The following DLGAP1 variants were observed in gnomAD, a reference collection of about 807,000 sequenced individuals.
DLGAP1 encodes DLG associated protein 1.
DLGAP1 carries 11 observed loss-of-function variants against 90.8 expected under a neutral mutation model. The ratio of observed to expected loss-of-function variants is 0.12; its 90% CI spans 0.08 to 0.20. The LOEUF (loss-of-function observed/expected upper bound fraction) is 0.20, where lower values mean the gene tolerates loss of function less well. Ranked by LOEUF, DLGAP1 falls within the 10% of genes least tolerant of loss-of-function variation. The probability of loss-of-function intolerance (pLI) is 1.00; values close to 1 mark genes in which losing one functional copy is unlikely to be tolerated. For synonymous variants in DLGAP1, 558 were observed against 540.7 expected (o/e 1.03, Z -0.44); for missense variants, 1,050 against 1,333.8 (o/e 0.79, Z 3.31).
At position 4,367,269 on chromosome 18, in the gene DLGAP1, G is replaced by A. The variant is rs115038495; in HGVS notation, c.-267+87737C>T. 7.4e-3 allele frequency among the ~76,000 whole-genome samples: 1,115 copies of A among 151,424 alleles called. 14 individuals carry two copies. Among genetic ancestry groups the A allele is most frequent in the African/African-American group, 0.026 (1,056 of 41,242 alleles). On this transcript the variant is annotated intron_variant, in intron 1 of 12. Transcript: ENST00000315677. ...CTTCAGAACAGTTAGTGCACATATC[G>A]TTTTCAGAATTATTTGAAAAATAAA...
At chr18:4,403,980 A>G (rs758947106) in intron 1 of DLGAP1, among the ~76,000 whole-genome samples, 4 of 152,078 alleles carry the variant, frequency 2.6e-5, no homozygotes, top group Non-Finnish European at 4.4e-5. Context: ...TCCCCAAACT[A>G]TCTGGTCATC....
chr18:3,687,182 A>G (rs1287425452), intron 7 of DLGAP1, among the ~76,000 whole-genome samples: 1 of 152,260 alleles, frequency 6.6e-6, no homozygotes, highest in African/African-American at 2.4e-5. Context: ...CTGACATTTC[A>G]GAATTCCAAG....
chr18:4,345,587 A>G (rs1052898101), intron 1 of DLGAP1, among the ~76,000 whole-genome samples: 2 of 152,238 alleles, frequency 1.3e-5, no homozygotes, highest in Admixed American at 1.3e-4. Flanking sequence ...TCACACAACT[A>G]TATTTCAGTT....
intron 7 of DLGAP1, among the ~76,000 whole-genome samples, chr18:3,615,823 A>C (rs2057839398): frequency 6.6e-6 from 1 of 152,152 alleles, no homozygotes; most frequent in African/African-American, 2.4e-5. Context: ...TAGTTTGATA[A>C]GAGAATGCAT....
rs1354735064 is a variant in DLGAP1 at position 4,269,352 on chromosome 18, A to ATTTTTT, written c.-266-118066_-266-118065insAAAAAA. Among the ~76,000 whole-genome samples, 119 of 131,230 alleles carry ATTTTTT rather than the reference A, an allele frequency of 9.1e-4. 2 individuals are homozygous for ATTTTTT. Among genetic ancestry groups the ATTTTTT allele is most frequent in the Admixed American group, 6.4e-3 (82 of 12,824 alleles). The allele number at this position is 131,230 out of a possible 152,430, so 86.1% of individuals were successfully genotyped here. A position where few individuals can be genotyped will look rare whatever the true frequency, so the allele number is the denominator to read the frequency against. Reference sequence around the variant, plus strand: ...TATATACATATATATATATATATATATATTTTTTTTTTTCTTTTTGAGACG... The same window carrying ATTTTTT: ...TATATACATATATATATATATATATATTTTTTTATTTTTTTTTTTCTTTTTGAGACG... On this transcript the variant is annotated intron_variant, in intron 1 of 12. Coordinates refer to ENST00000315677, the MANE Select transcript of DLGAP1 (RefSeq NM_004746.4).
intron 1 of DLGAP1, among the ~76,000 whole-genome samples, chr18:4,165,395 A>G (rs1049210854): frequency 1.3e-5 from 2 of 152,224 alleles, no homozygotes; most frequent in Non-Finnish European, 2.9e-5. Flanking sequence ...TTCAGGAAAG[A>G]AGAGAAAATA....
intron 1 of DLGAP1, among the ~76,000 whole-genome samples, chr18:4,152,846 T>C (rs763457763): frequency 6.6e-6 from 1 of 152,222 alleles, no homozygotes; most frequent in Non-Finnish European, 1.5e-5. Flanking sequence ...ATTTTCAATA[T>C]TCCATTAAAC....
At position 4,213,066 on chromosome 18, in the gene DLGAP1, G is replaced by A. The variant is rs1204803367; in HGVS notation, c.-266-61779C>T. Among the ~76,000 whole-genome samples the A allele has an allele frequency of 2.6e-5, 4 of 152,102 alleles. No individual in the cohort carries two copies. In the East Asian group the frequency reaches 5.8e-4, roughly 22 times the overall value. ...TTTCATTTGTTTGCTTATTAATTGA[G>A]CAAACAGGTTTTGGGGATTAAGTAC... On this transcript the variant is annotated intron_variant, in intron 1 of 12. Coordinates refer to ENST00000315677, the MANE Select transcript of DLGAP1 (RefSeq NM_004746.4).
At chr18:3,502,808 C>T (rs1250996281) in intron 11 of DLGAP1, among the ~76,000 whole-genome samples, 163 bp from the exon 12 acceptor site, 1 of 152,184 alleles carries the variant, frequency 6.6e-6, no homozygotes, top group African/African-American at 2.4e-5. Context: ...ATTTTATACA[C>T]TCATCCGTTT....
At chr18:4,393,442 A>G (rs2082377997) in intron 1 of DLGAP1, among the ~76,000 whole-genome samples, 1 of 151,858 alleles carries the variant, frequency 6.6e-6, no homozygotes, top group Non-Finnish European at 1.5e-5. Flanking sequence ...TCTACCTCTA[A>G]TTTTTCAGAT....
intron 5 of DLGAP1, among the ~76,000 whole-genome samples, chr18:3,758,404 C>T (rs1485185914): frequency 2.0e-5 from 3 of 152,116 alleles, no homozygotes; most frequent in South Asian, 2.1e-4. Context: ...GCTATAATAA[C>T]GGGAGCTTCA....
chr18:4,178,198 AATAAAC>A (rs1238477245), intron 1 of DLGAP1, among the ~76,000 whole-genome samples: 19 of 126,108 alleles, frequency 1.5e-4, no homozygotes, highest in African/African-American at 5.4e-4. Flanking sequence ...CGGGTCCTGG[AATAAAC>A]ACACACACAC....
At chr18:4,072,812 A>G (rs2075468919) in intron 2 of DLGAP1, among the ~76,000 whole-genome samples, 1 of 152,180 alleles carries the variant, frequency 6.6e-6, no homozygotes, top group South Asian at 2.1e-4. Context: ...TGAGTTATAG[A>G]TAAGTATTAA....
chr18:3,858,527 T>TATATAC (rs1282315871), intron 4 of DLGAP1, among the ~76,000 whole-genome samples: 6 of 141,036 alleles, frequency 4.3e-5, no homozygotes, highest in African/African-American at 1.3e-4. Context: ...TATATATATA[T>TATATAC]GCACACACAC....
intron 2 of DLGAP1, among the ~76,000 whole-genome samples, chr18:4,126,067 C>G (rs1354736512): frequency 2.0e-5 from 3 of 152,236 alleles, no homozygotes; most frequent in Non-Finnish European, 4.4e-5. Flanking sequence ...CAGCTGGACT[C>G]AGGCTCATAG....
intron 1 of DLGAP1, among the ~76,000 whole-genome samples, chr18:4,308,100 C>G (rs1784729): frequency 0.49 from 74,741 of 151,970 alleles, 21,457 homozygotes; most frequent in Non-Finnish European, 0.64. Flanking sequence ...GAGCAAGGCA[C>G]TACTGTTGTT....
intron 7 of DLGAP1, among the ~76,000 whole-genome samples, chr18:3,635,156 A>C (rs921690884): frequency 5.2e-5 from 7 of 135,708 alleles, no homozygotes; most frequent in Admixed American, 7.8e-5. Context: ...TTTGAGAGGG[A>C]GTCTCGCTCT....
At chr18:3,527,410 C>CTGTTTTTTTTTTTTTTTTTT (rs1555668846) in intron 10 of DLGAP1, among the ~76,000 whole-genome samples, 1 of 100,684 alleles carries the variant, frequency 9.9e-6, no homozygotes, top group Non-Finnish European at 1.9e-5. Context: ...ATTTTCCAAA[C>CTGTTTTTTTTTTTTTTTTTT]TTTTTTTTTT....
chr18:4,451,621 AT>A (rs1405325295), intron 1 of DLGAP1, among the ~76,000 whole-genome samples: 1 of 152,186 alleles, frequency 6.6e-6, no homozygotes, highest in Non-Finnish European at 1.5e-5. Context: ...AGTAACAAGA[AT>A]CGAGCTACAA....
Sources: gnomAD v4.1 joint callset for allele counts (sites outside exome capture counted in the v4.1 genomes callset) on GRCh38, gnomAD v4.1.1 for gene constraint, MANE v1.5 for transcripts, NCBI Gene and HGNC (gene_info 2026-07-23, HGNC 2026-07-21) for gene names.